The following CYP2C19 variants were observed in gnomAD, a reference collection of about 807,000 sequenced individuals.
CYP2C19 encodes the protein cytochrome P450 family 2 subfamily C member 19.
CYP2C19 carries 59 observed loss-of-function variants against 40.9 expected under a neutral mutation model. The ratio of observed to expected loss-of-function variants is 1.44; its 90% CI spans 1.17 to 1.79. The LOEUF (loss-of-function observed/expected upper bound fraction) is 1.79. Among genes scored for constraint, CYP2C19 ranks in the 40% most tolerant of loss-of-function variants. The pLI is 0.00. For synonymous variants in CYP2C19, 253 were observed against 208.7 expected, an observed-to-expected ratio of 1.21 and a Z score of -1.83; for missense variants, 754 against 596.9, an observed-to-expected ratio of 1.26 and a Z score of -2.74.
intron 6 of CYP2C19, among the ~76,000 whole-genome samples, chr10:94,826,976 G>A (rs575164865): frequency 0.027 from 4,033 of 152,088 alleles, 95 homozygotes; most frequent in Non-Finnish European, 0.03. Flanking sequence ...ATTGATTTGC[G>A]TATATTGAAC....
Position 94,833,760 on chromosome 10 carries a change from T to C in CYP2C19, c.962-9077T>C, listed in dbSNP as rs185073364. Among the ~76,000 whole-genome samples the C allele has an allele frequency of 1.6e-3, 240 of 152,382 alleles. 1 individual carries two copies. Among genetic ancestry groups the C allele is most frequent in the Non-Finnish European group, 2.7e-3 (187 of 68,032 alleles). ...TTTTCAGCATCAACTGAAATGATCA[T>C]ATGGTTTTTATCCTTCATTCTGTTG... On this transcript the variant is annotated intron_variant, in intron 6 of 8. Coordinates refer to ENST00000371321, the MANE Select transcript of CYP2C19 (RefSeq NM_000769.4).
Position 94,852,284 on chromosome 10 carries a change from C to G in CYP2C19, c.1292-449C>G, listed in dbSNP as rs116973737. Among the ~76,000 whole-genome samples the G allele has an allele frequency of 4.7e-3, 715 of 152,102 alleles. 4 individuals carry two copies. The highest frequency in any genetic ancestry group is 0.011 in the African/African-American group (470 of 41,500). The stretch of plus-strand genomic sequence containing the variant: ...GACATGTGATTCTGAAAATACTTAG[C>G]GGGAAAAAAATCTTTGGCTGCATAC... On this transcript the variant is annotated intron_variant, in intron 8 of 8. Coordinates refer to ENST00000371321, the MANE Select transcript of CYP2C19 (RefSeq NM_000769.4).
chr10:94,830,246 C>T (rs968650231), intron 6 of CYP2C19, among the ~76,000 whole-genome samples: 1 of 152,246 alleles, frequency 6.6e-6, no homozygotes, highest in Non-Finnish European at 1.5e-5. Context: ...GGGCGCCCCT[C>T]CCCCAGCCTT....
chr10:94,800,325 C>A (rs1041633063), intron 5 of CYP2C19, among the ~76,000 whole-genome samples: 1 of 152,200 alleles, frequency 6.6e-6, no homozygotes, highest in Non-Finnish European at 1.5e-5. Context: ...CTGGGTATAA[C>A]CAGCGGAGGC....
In CYP2C19 at chr10:94,762,871, A is replaced by C. The variant is rs1848191817; in HGVS notation, c.166A>C (p.Asn56His). 6.2e-7 allele frequency: 1 copy of C among 1,613,012 alleles called. No homozygotes were observed. The highest frequency in any genetic ancestry group is 8.5e-7 in the Non-Finnish European group (1 of 1,179,252). ...TAAGGATGTCAGCAAATCCTTAACC[A>C]ATGTAAGTATGCTCCTTCAGTGGCT... ...DIKDVSKSLT[N>H]LSKIYGPVFT... Residue 56 changes from asparagine (N) to histidine (H), a missense_variant and splice_region_variant, in exon 1 of 9, where the codon AAT (asparagine) becomes CAT (histidine). Coordinates refer to ENST00000371321, the MANE Select transcript of CYP2C19 (RefSeq NM_000769.4).
chr10:94,838,004 C>T (rs1368292419), intron 6 of CYP2C19, among the ~76,000 whole-genome samples: 1 of 152,200 alleles, frequency 6.6e-6, no homozygotes, highest in Non-Finnish European at 1.5e-5. Context: ...ATTTTCCCAA[C>T]TTTTCCCTTT....
intron 5 of CYP2C19, among the ~76,000 whole-genome samples, chr10:94,783,540 C>T (rs528952221): frequency 2.6e-5 from 4 of 152,178 alleles, no homozygotes; most frequent in South Asian, 4.2e-4. Context: ...TTTGAAGAGG[C>T]TATTTTTTCC....
At position 94,852,880 on chromosome 10, in the gene CYP2C19, C is replaced by T. The variant is rs779501712; in HGVS notation, c.1439C>T (p.Pro480Leu). The stretch of plus-strand genomic sequence containing the variant: ...GTTGTCAATGGATTTGCTTCTGTCC[C>T]GCCCTTCTATCAGCTGTGCTTCATT... ...TPVVNGFASV[P>L]PFYQLCFIPV Residue 480 changes from proline (P) to leucine (L), a missense_variant, in exon 9 of 9, where the codon CCG becomes CTG. Pro to Leu is a moderately conservative substitution (Grantham distance 98, BLOSUM62 -3). Transcript: ENST00000371321. 2.2e-5 allele frequency: 36 copies of T among 1,613,858 alleles called. No homozygotes were observed. The highest frequency in any genetic ancestry group is 2.2e-5 in the South Asian group (2 of 91,074).
At chr10:94,770,496 G>T (rs1487650706) in intron 1 of CYP2C19, among the ~76,000 whole-genome samples, 6 of 152,046 alleles carry the variant, frequency 3.9e-5, no homozygotes, top group African/African-American at 1.2e-4. Context: ...TTTTGGGCCT[G>T]TTCCTCTTGG....
chr10:94,800,384 T>C (rs1029711607), intron 5 of CYP2C19, among the ~76,000 whole-genome samples: 3 of 152,212 alleles, frequency 2.0e-5, no homozygotes, highest in African/African-American at 7.2e-5. Context: ...GCCTGCTCCT[T>C]TCTCTGGAAG....
chr10:94,832,601 A>G lies in CYP2C19; in HGVS notation c.962-10236A>G, dbSNP rs533912704. 3.3e-5 allele frequency among the ~76,000 whole-genome samples: 5 copies of G among 152,204 alleles called. No individual in the cohort carries two copies. In the East Asian group the frequency reaches 7.7e-4, roughly 24 times the overall value. On this transcript the variant is annotated intron_variant, in intron 6 of 8. Transcript: ENST00000371321. ...GTGTGAAATTGTTTCTGGATTCACT[A>G]TTCTGTTCCATTGGTCTATGTGTCT...
At chr10:94,838,523 G>A (rs943952887) in intron 6 of CYP2C19, among the ~76,000 whole-genome samples, 5 of 152,142 alleles carry the variant, frequency 3.3e-5, no homozygotes, top group Non-Finnish European at 7.3e-5. Context: ...AGAGAAAAAG[G>A]TACATGCACT....
rs116978111 is a variant in CYP2C19 at position 94,790,271 on chromosome 10, T to C, written c.819+8274T>C. On this transcript the variant is annotated intron_variant, in intron 5 of 8. Coordinates refer to ENST00000371321, the MANE Select transcript of CYP2C19 (RefSeq NM_000769.4). ...TGAGACAATGGGGATTTCCTAAATA[T>C]AAAATCATGTCATCTACAAACAGGA... Among the ~76,000 whole-genome samples, 201 of 152,260 alleles carry C rather than the reference T, an allele frequency of 1.3e-3. 2 individuals are homozygous for C. Among genetic ancestry groups the C allele is most frequent in the Non-Finnish European group, 1.9e-3 (131 of 68,022 alleles).
At chr10:94,782,506 T>C (rs1848492616) in intron 5 of CYP2C19, among the ~76,000 whole-genome samples, 1 of 152,094 alleles carries the variant, frequency 6.6e-6, no homozygotes. Flanking sequence ...TTTTACTCTG[T>C]TTGTGGGAGC....
intron 6 of CYP2C19, among the ~76,000 whole-genome samples, chr10:94,829,800 T>C (rs1306777798): frequency 6.6e-6 from 1 of 151,438 alleles, no homozygotes; most frequent in Non-Finnish European, 1.5e-5. Context: ...CTACTTTTGG[T>C]CTTTGATGAT....
rs932459484 is a variant in CYP2C19, at chr10:94,853,097, C to T, written c.*183C>T. 4.8e-6 allele frequency: 3 copies of T among 626,610 alleles called. No homozygotes were observed. The highest frequency in any genetic ancestry group is 2.0e-5 in the South Asian group (1 of 49,618). 38.8% of individuals were successfully genotyped at this position (626,610 alleles called of 1,614,324 possible). On this transcript the variant is annotated 3_prime_UTR_variant, in exon 9 of 9. Transcript: ENST00000371321. ...ACTGTGCAAATATATCTGCTATTCCCCATACTCTATAATAGTTACATTGAG... is the reference window on the plus strand; with the variant it reads ...ACTGTGCAAATATATCTGCTATTCCTCATACTCTATAATAGTTACATTGAG...
chr10:94,835,125 T>C (rs1372055903), intron 6 of CYP2C19, among the ~76,000 whole-genome samples: 1 of 152,190 alleles, frequency 6.6e-6, no homozygotes, highest in Non-Finnish European at 1.5e-5. Flanking sequence ...GAATGATTTG[T>C]AGTTTTACAG....
Position 94,775,505 on chromosome 10 carries a change from C to T in CYP2C19, c.447C>T (p.Ala149=). 6.2e-7 allele frequency: 1 copy of T among 1,613,938 alleles called. No homozygotes were observed. The highest frequency in any genetic ancestry group is 1.7e-5 in the Admixed American group (1 of 60,008). Reference sequence around the variant, plus strand: ...TTGAGGACCGTGTTCAAGAGGAAGCCCGCTGCCTTGTGGAGGAGTTGAGAA... The same window carrying T: ...TTGAGGACCGTGTTCAAGAGGAAGCTCGCTGCCTTGTGGAGGAGTTGAGAA... ...RSIEDRVQEE[A]RCLVEELRKT... is the part of the protein sequence containing the mutation. The change falls in exon 3 of 9, where the codon GCC becomes GCT. Residue 149 remains alanine, a synonymous_variant. Coordinates refer to ENST00000371321, the MANE Select transcript of CYP2C19 (RefSeq NM_000769.4).
intron 7 of CYP2C19, among the ~76,000 whole-genome samples, chr10:94,845,509 T>G (rs549516368): frequency 6.6e-6 from 1 of 152,214 alleles, no homozygotes; most frequent in Non-Finnish European, 1.5e-5. Context: ...TCTGCAAAGA[T>G]GCTCGATTGA....
Sources: gnomAD v4.1 joint callset for allele counts (sites outside exome capture counted in the v4.1 genomes callset) on GRCh38, gnomAD v4.1.1 for gene constraint, MANE v1.5 for transcripts, NCBI Gene and HGNC (gene_info 2026-07-23, HGNC 2026-07-21) for gene names.